The following ZWILCH variants were observed in gnomAD, a reference collection of about 807,000 sequenced individuals.
ZWILCH encodes zwilch kinetochore protein.
In ZWILCH, 74 loss-of-function variants were observed where a neutral mutation model predicts 79.9. That is an observed-to-expected ratio of 0.93 (90% CI 0.77 to 1.12). The LOEUF is 1.12. ZWILCH is among the 50% of genes most tolerant of loss of function. ZWILCH has a pLI of 0.00. For missense variants in ZWILCH, 694 were observed against 687.5 expected (o/e 1.01, Z -0.11); for synonymous variants, 241 against 228.2 (o/e 1.06, Z -0.51).
intron 18 of ZWILCH, 183 bp downstream of exon 18, chr15:66,546,888 G>A (rs1244902960): frequency 3.9e-6 from 1 of 258,674 alleles, no homozygotes; most frequent in Non-Finnish European, 7.3e-6. Context: ...TCTACCTTTT[G>A]TGGTCAACTT....
intron 17 of ZWILCH, among the ~76,000 whole-genome samples, chr15:66,542,499 C>T (rs1392055460): frequency 1.3e-5 from 2 of 152,060 alleles, no homozygotes; most frequent in Admixed American, 6.5e-5. Flanking sequence ...GCAGGAGAAT[C>T]ACTTGAACCT....
chr15:66,517,726 C>CTTTTTTTTTTTT (rs1161719182), intron 4 of ZWILCH, among the ~76,000 whole-genome samples: 1 of 58,228 alleles, frequency 1.7e-5, no homozygotes, highest in African/African-American at 7.3e-5. Context: ...CTTTTCTTTC[C>CTTTTTTTTTTTT]TTTTTTTTTT....
At chr15:66,513,413 A>G (rs1157256425) in intron 2 of ZWILCH, among the ~76,000 whole-genome samples, 2 of 151,870 alleles carry the variant, frequency 1.3e-5, no homozygotes, top group Non-Finnish European at 2.9e-5. Flanking sequence ...GAAAAATAAA[A>G]TAATTAGCCA....
chr15:66,505,606 A>G lies in ZWILCH; in HGVS notation c.53+215A>G, dbSNP rs538891468. The G allele has an allele frequency of 6.9e-6, 4 of 576,046 alleles. No individual in the cohort carries two copies. In the East Asian group the frequency reaches 1.3e-4, roughly 18 times the overall value. The allele number at this position is 576,046 out of a possible 1,614,324, so 35.7% of individuals were successfully genotyped here. Reference sequence around the variant, plus strand: ...CTCAGGAGAAAACGTGTACGTCATCAAACGAGATGGAAGGTGGCAAGTGTT... The same window carrying G: ...CTCAGGAGAAAACGTGTACGTCATCGAACGAGATGGAAGGTGGCAAGTGTT... On this transcript the variant is annotated intron_variant, in intron 1 of 18. Coordinates refer to ENST00000307897, the MANE Select transcript of ZWILCH (RefSeq NM_017975.5).
chr15:66,517,908 T>C (rs1894347631), intron 4 of ZWILCH, among the ~76,000 whole-genome samples: 1 of 151,676 alleles, frequency 6.6e-6, no homozygotes, highest in African/African-American at 2.4e-5. Flanking sequence ...AATTTTTGTA[T>C]TTTTAGTAGA....
chr15:66,531,240 T>G (rs1894842876), intron 12 of ZWILCH, among the ~76,000 whole-genome samples: 1 of 152,204 alleles, frequency 6.6e-6, no homozygotes, highest in Non-Finnish European at 1.5e-5. Context: ...AGGGAGCTTG[T>G]TTAACTGCAG....
chr15:66,539,835 A>T (rs1279398945), intron 16 of ZWILCH, among the ~76,000 whole-genome samples: 1 of 151,832 alleles, frequency 6.6e-6, no homozygotes, highest in Non-Finnish European at 1.5e-5. Flanking sequence ...TGCTATCCCC[A>T]ATCCGAGTTA....
At chr15:66,530,638 T>C (rs980770482) in intron 12 of ZWILCH, among the ~76,000 whole-genome samples, 2 of 151,992 alleles carry the variant, frequency 1.3e-5, no homozygotes, top group Non-Finnish European at 1.5e-5. Context: ...CTCCGTCTCA[T>C]AAAAAACAAG....
intron 5 of ZWILCH, 27 bp downstream of exon 5, chr15:66,519,105 G>A: frequency 1.3e-6 from 2 of 1,597,334 alleles, no homozygotes; most frequent in East Asian, 2.2e-5. Flanking sequence ...GAGAGTGTGT[G>A]TGTGTATTTA....
chr15:66,525,763 T>C (rs1301702867), intron 8 of ZWILCH, among the ~76,000 whole-genome samples: 10 of 137,780 alleles, frequency 7.3e-5, no homozygotes, highest in Non-Finnish European at 1.1e-4. Flanking sequence ...TTTCTTTTTT[T>C]TTTTTTTTTT....
At chr15:66,529,408 C>A in intron 11 of ZWILCH, 86 bp from the exon 12 acceptor site, 1 of 827,882 alleles carries the variant, frequency 1.2e-6, no homozygotes, top group Non-Finnish European at 1.9e-6. Flanking sequence ...TTGCTTTCTA[C>A]TTCATTTGTG....
intron 5 of ZWILCH, among the ~76,000 whole-genome samples, chr15:66,519,508 G>A (rs530572956): frequency 2.0e-5 from 3 of 152,320 alleles, no homozygotes; most frequent in East Asian, 1.9e-4. Flanking sequence ...AGGTGGGAGT[G>A]CAGTGGCGCG....
At chr15:66,510,393 AAAAAAAT>A (rs1219056262) in intron 2 of ZWILCH, among the ~76,000 whole-genome samples, 1 of 149,188 alleles carries the variant, frequency 6.7e-6, no homozygotes, top group African/African-American at 2.5e-5. Flanking sequence ...TCAAAAAAAA[AAAAAAAT>A]ATCAATGAGA....
chr15:66,513,990 T>C lies in ZWILCH; in HGVS notation c.108T>C (p.Ala36=), dbSNP rs1036032532. The C allele has an allele frequency of 1.2e-6, 2 of 1,608,790 alleles. No homozygotes were observed. Among genetic ancestry groups the C allele is most frequent in the African/African-American group, 2.7e-5 (2 of 74,682 alleles). Residue 36 remains alanine (A), a splice_region_variant and synonymous_variant, in exon 3 of 19, where the codon GCT becomes GCC. Coordinates refer to ENST00000307897, the MANE Select transcript of ZWILCH (RefSeq NM_017975.5). The stretch of plus-strand genomic sequence containing the variant: ...TTGCTCGATACCTGTTTTAACAGGC[T>C]GATGTCCAAGTGCAGTTGATCAGCA... ...GIRKDPFLYE[A]DVQVQLISKG...
Position 66,549,609 on chromosome 15 carries a change from T to G in ZWILCH, c.*1285T>G, listed in dbSNP as rs1895520216. The G allele has an allele frequency of 6.5e-6, 1 of 153,318 alleles. No homozygotes were observed. The highest frequency in any genetic ancestry group is 2.4e-5 in the African/African-American group (1 of 41,480). 9.5% of individuals were successfully genotyped at this position (153,318 alleles called of 1,614,324 possible). On this transcript the variant is annotated 3_prime_UTR_variant, in exon 19 of 19. Coordinates refer to ENST00000307897, the MANE Select transcript of ZWILCH (RefSeq NM_017975.5). Reference sequence around the variant, plus strand: ...GAAGACAGGGACCTTGTTTTGTTCCTGGCTATATCTCATGACTTAAACATT... The same window carrying G: ...GAAGACAGGGACCTTGTTTTGTTCCGGGCTATATCTCATGACTTAAACATT...
intron 12 of ZWILCH, among the ~76,000 whole-genome samples, chr15:66,531,598 C>T (rs373549973): frequency 2.6e-5 from 4 of 152,032 alleles, no homozygotes; most frequent in African/African-American, 9.7e-5. Context: ...GCTGGGACTA[C>T]AGGCGCTTGC....
intron 2 of ZWILCH, among the ~76,000 whole-genome samples, chr15:66,512,506 C>T (rs966123546): frequency 2.6e-5 from 4 of 152,050 alleles, no homozygotes; most frequent in African/African-American, 9.7e-5. Context: ...CCCATCTCAG[C>T]CTCCCGATTA....
At chr15:66,528,731 AT>A (rs1894760542) in intron 10 of ZWILCH, 120 bp from the exon 11 acceptor site, 1 of 711,040 alleles carries the variant, frequency 1.4e-6, no homozygotes, top group East Asian at 2.7e-5. Flanking sequence ...GTTGTAGAAA[AT>A]TCGTTCATAT....
chr15:66,514,951 T>C (rs915009016), intron 3 of ZWILCH, among the ~76,000 whole-genome samples: 3 of 152,162 alleles, frequency 2.0e-5, no homozygotes, highest in Admixed American at 1.3e-4. Context: ...AGCACTTCCT[T>C]TTCTGCTTTT....
Sources: gnomAD v4.1 joint callset for allele counts (sites outside exome capture counted in the v4.1 genomes callset) on GRCh38, gnomAD v4.1.1 for gene constraint, MANE v1.5 for transcripts, NCBI Gene and HGNC (gene_info 2026-07-23, HGNC 2026-07-21) for gene names.